Variants in NCOA2 observed in about 807,000 individuals in gnomAD.
The protein encoded by NCOA2 is nuclear receptor coactivator 2.
Under a neutral mutation model 145.1 loss-of-function variants are expected in NCOA2, and 21 were observed. That is an observed-to-expected ratio of 0.14 (90% CI 0.10 to 0.21). The LOEUF (loss-of-function observed/expected upper bound fraction) is 0.21. Among genes scored for constraint, NCOA2 ranks in the 10% least tolerant of loss-of-function variants. The pLI is 1.00. For missense variants in NCOA2, 1,472 were observed against 1,837.6 expected, an observed-to-expected ratio of 0.80 and a Z score of 3.64; for synonymous variants, 619 against 637.5, an observed-to-expected ratio of 0.97 and a Z score of 0.44.
chr8:70,417,094 G>A, the NCOA2 span, among the ~76,000 whole-genome samples: 1 of 151,860 alleles, frequency 6.6e-6, no homozygotes, highest in East Asian at 1.9e-4. Context: ...TGGTCATGTG[G>A]TTGTAGCTAG....
intron 1 of NCOA2, among the ~76,000 whole-genome samples, chr8:70,358,883 A>C (rs1215930992): frequency 2.0e-5 from 3 of 152,212 alleles, no homozygotes; most frequent in Non-Finnish European, 4.4e-5. Flanking sequence ...GCAACTCAGC[A>C]ACATAAAGAG....
chr8:70,240,568 C>T (rs75349541), intron 2 of NCOA2, among the ~76,000 whole-genome samples: 14,295 of 152,118 alleles, frequency 0.094, 948 homozygotes, highest in Middle Eastern at 0.18. Context: ...GATGTTGGAA[C>T]GCTATAGAGG....
the NCOA2 span, among the ~76,000 whole-genome samples, chr8:70,414,353 C>G: frequency 6.6e-6 from 1 of 152,124 alleles, no homozygotes; most frequent in Non-Finnish European, 1.5e-5. Flanking sequence ...GTTTCTCTCC[C>G]TTTTTAATAG....
At chr8:70,166,512 TAGC>T (rs1813634280) in intron 7 of NCOA2, 51 bp downstream of exon 7, 1 of 1,575,448 alleles carries the variant, frequency 6.3e-7, no homozygotes, top group South Asian at 1.1e-5. Context: ...GTGAAGGAAG[TAGC>T]ACAGGAATAA....
At chr8:70,336,545 T>C (rs1322958197) in intron 1 of NCOA2, among the ~76,000 whole-genome samples, 3 of 151,868 alleles carry the variant, frequency 2.0e-5, no homozygotes, top group African/African-American at 7.3e-5. Flanking sequence ...AAACTTACAA[T>C]CATGGTGGAA....
chr8:70,305,004 C>A (rs1158564857), intron 1 of NCOA2, among the ~76,000 whole-genome samples: 1 of 151,218 alleles, frequency 6.6e-6, no homozygotes, highest in Non-Finnish European at 1.5e-5. Context: ...CTATATTAGG[C>A]ATGCACCACC....
intron 1 of NCOA2, among the ~76,000 whole-genome samples, chr8:70,403,464 C>T (rs1195945915): frequency 6.6e-6 from 1 of 151,472 alleles, no homozygotes; most frequent in Non-Finnish European, 1.5e-5. Context: ...CGCTTCCCGC[C>T]CTCCCCACCC....
chr8:70,386,566 T>A (rs942002855), intron 1 of NCOA2, among the ~76,000 whole-genome samples: 3 of 152,180 alleles, frequency 2.0e-5, no homozygotes, highest in African/African-American at 7.2e-5. Context: ...TTCTACACAC[T>A]GTATATGAGA....
intron 1 of NCOA2, among the ~76,000 whole-genome samples, chr8:70,370,121 G>C (rs1201567852): frequency 6.6e-6 from 1 of 152,056 alleles, no homozygotes; most frequent in Non-Finnish European, 1.5e-5. Context: ...CTGGGCTCAA[G>C]CAATCCACCT....
chr8:70,441,816 G>GAA, the NCOA2 span, among the ~76,000 whole-genome samples: 338 of 116,788 alleles, frequency 2.9e-3, 2 homozygotes, highest in African/African-American at 0.011. Flanking sequence ...AAGAAAGAAA[G>GAA]AAGAAAGAAG....
intron 1 of NCOA2, among the ~76,000 whole-genome samples, chr8:70,307,220 C>CAA (rs57161747): frequency 0.011 from 809 of 71,582 alleles, 11 homozygotes; most frequent in African/African-American, 0.022. Flanking sequence ...CCTACATAAG[C>CAA]AAAAAAAAAA....
chr8:70,133,949 C>T (rs899047244), intron 15 of NCOA2, among the ~76,000 whole-genome samples: 2 of 152,178 alleles, frequency 1.3e-5, no homozygotes, highest in African/African-American at 4.8e-5. Flanking sequence ...TGAGGCCACG[C>T]GTCACCTGCT....
At chr8:70,434,468 A>G in the NCOA2 span, among the ~76,000 whole-genome samples, 4 of 152,214 alleles carry the variant, frequency 2.6e-5, no homozygotes, top group Non-Finnish European at 4.4e-5. Context: ...GCTCTCTGAG[A>G]AAAGAAAAAA....
At chr8:70,162,977 C>T (rs1585907060) in intron 8 of NCOA2, 123 bp from the exon 9 acceptor site, 7 of 948,456 alleles carry the variant, frequency 7.4e-6, no homozygotes, top group South Asian at 2.0e-5. Flanking sequence ...TGCAGTGGTG[C>T]GATCTCAGCT....
At chr8:70,227,912 A>T (rs1820793678) in intron 2 of NCOA2, among the ~76,000 whole-genome samples, 1 of 147,824 alleles carries the variant, frequency 6.8e-6, no homozygotes, top group African/African-American at 2.5e-5. Flanking sequence ...GCTACTTGGG[A>T]GGCTGAGGCA....
intron 13 of NCOA2, among the ~76,000 whole-genome samples, chr8:70,143,457 A>G (rs1206017023): frequency 1.3e-5 from 2 of 152,160 alleles, no homozygotes; most frequent in African/African-American, 2.4e-5. Flanking sequence ...ATATAAATCA[A>G]TATTTTATTT....
At chr8:70,446,357 T>G in the NCOA2 span, among the ~76,000 whole-genome samples, 1 of 152,150 alleles carries the variant, frequency 6.6e-6, no homozygotes, top group Admixed American at 6.5e-5. Context: ...CTAAGGTGCC[T>G]TCCAGAGGAC....
At chr8:70,182,885 G>C (rs1815646871) in intron 4 of NCOA2, among the ~76,000 whole-genome samples, 1 of 152,110 alleles carries the variant, frequency 6.6e-6, no homozygotes, top group African/African-American at 2.4e-5. Context: ...GACACTGAAA[G>C]AACCCATGGA....
intron 11 of NCOA2, among the ~76,000 whole-genome samples, chr8:70,148,826 A>G (rs1229098715): frequency 6.6e-6 from 1 of 152,216 alleles, no homozygotes; most frequent in Non-Finnish European, 1.5e-5. Flanking sequence ...TATATTTCCA[A>G]TTAATTATGA....
Sources: allele counts gnomAD v4.1 joint callset (sites outside exome capture counted in the v4.1 genomes callset), GRCh38; gene constraint gnomAD v4.1.1; transcripts MANE v1.5; gene names NCBI Gene and HGNC (gene_info 2026-07-23, HGNC 2026-07-21).